The following ACSBG2 variants were observed in gnomAD, a reference collection of about 807,000 sequenced individuals.
ACSBG2 encodes acyl-CoA synthetase bubblegum family member 2.
A neutral mutation model predicts 74.7 loss-of-function variants in ACSBG2; 62 were observed. That is an observed-to-expected ratio of 0.83 (90% confidence interval 0.68 to 1.03). ACSBG2 has a LOEUF of 1.03. Ranked by LOEUF, ACSBG2 falls within the 50% of genes least tolerant of loss-of-function variation. ACSBG2 has a pLI of 0.00. For synonymous variants in ACSBG2, 309 were observed against 294.1 expected (o/e 1.05, Z -0.52); for missense variants, 730 against 817.6 (o/e 0.89, Z 1.31).
rs2090038045 is a variant in ACSBG2 at position 6,174,242 on chromosome 19, T to C, written c.739-2987T>C. 6.6e-6 allele frequency among the ~76,000 whole-genome samples: 1 copy of C among 151,858 alleles called. No individual in the cohort carries two copies. Among genetic ancestry groups the C allele is most frequent in the Non-Finnish European group, 1.5e-5 (1 of 67,974 alleles). On this transcript the variant is annotated intron_variant, in intron 7 of 14. Coordinates refer to ENST00000588485, the MANE Select transcript of ACSBG2 (RefSeq NM_030924.5). The surrounding 1 kb of genome is among the most constrained non-coding windows in gnomAD (Gnocchi z 4.2). The stretch of plus-strand genomic sequence containing the variant: ...ATGAGCCACCACGCTTGGCCATCAC[T>C]CTTGAACTTCTTAACCTGGTGGCTG...
At chr19:6,155,811 G>A (rs1212738331) in intron 4 of ACSBG2, among the ~76,000 whole-genome samples, 1 of 146,130 alleles carries the variant, frequency 6.8e-6, no homozygotes, top group East Asian at 2.0e-4. Flanking sequence ...AAAAAAAATG[G>A]TGAACAGGCA....
Position 6,188,962 on chromosome 19 carries a change from T to A in ACSBG2, c.1927+1117T>A, listed in dbSNP as rs139589780. Among the ~76,000 whole-genome samples, 164 of 152,350 alleles carry A rather than the reference T, an allele frequency of 1.1e-3. 1 individual carries two copies. The highest frequency in any genetic ancestry group is 3.8e-3 in the African/African-American group (158 of 41,590). Reference sequence around the variant, plus strand: ...ACCTTTCACAATGCTTAATATGTTATCTGTAGAGCAGTTAAGGGGAACTAT... The same window carrying A: ...ACCTTTCACAATGCTTAATATGTTAACTGTAGAGCAGTTAAGGGGAACTAT... On this transcript the variant is annotated intron_variant, in intron 13 of 14. Coordinates refer to ENST00000588485, the MANE Select transcript of ACSBG2 (RefSeq NM_030924.5).
chr19:6,160,127 A>G (rs180674146), intron 5 of ACSBG2, among the ~76,000 whole-genome samples: 116 of 152,290 alleles, frequency 7.6e-4, no homozygotes, highest in African/African-American at 2.6e-3. Context: ...GTGGTGGCTC[A>G]TGCCTGTAAT....
intron 2 of ACSBG2, among the ~76,000 whole-genome samples, chr19:6,144,999 G>A (rs1302567568): frequency 6.6e-6 from 1 of 151,862 alleles, no homozygotes; most frequent in Non-Finnish European, 1.5e-5. Context: ...GCTGTCTGTT[G>A]ATGACTATCT....
chr19:6,164,159 TG>T (rs2089721828), intron 6 of ACSBG2, among the ~76,000 whole-genome samples: 1 of 152,182 alleles, frequency 6.6e-6, no homozygotes, highest in African/African-American at 2.4e-5. Flanking sequence ...TGGACCAGCA[TG>T]GGTCTGGTGC....
rs137960724 is a variant in ACSBG2, at chr19:6,187,322, T to C, written c.1580T>C (p.Ile527Thr). ...ITAGGENVPP[I>T]PVETLVKKKI... is the part of the protein sequence containing the mutation. ...GCTGGTGGTGAAAATGTGCCCCCCA[T>C]TCCTGTTGAGACCTTGGTTAAGAAG... Residue 527 changes from isoleucine to threonine, a missense_variant, in exon 12 of 15, where the codon ATT becomes ACT. Physicochemically the swap from Ile to Thr is moderately conservative, Grantham distance 89. Coordinates refer to ENST00000588485, the MANE Select transcript of ACSBG2 (RefSeq NM_030924.5). The C allele has an allele frequency of 1.4e-5, 23 of 1,614,110 alleles. No individual in the cohort carries two copies. The African/African-American group carries it at 3.1e-4, about 22-fold the overall frequency.
intron 14 of ACSBG2, chr19:6,192,098 A>T (rs1015311009): frequency 1.4e-5 from 2 of 138,658 alleles, no homozygotes; most frequent in Admixed American, 7.5e-5. Context: ...AAAAAAAAAT[A>T]GAATATACAA....
Position 6,180,271 on chromosome 19 carries a change from TA to T in ACSBG2, c.907-2479del. Among the ~76,000 whole-genome samples, 1 of 152,308 alleles carries T rather than the reference TA, an allele frequency of 6.6e-6. No homozygotes were observed. The highest frequency in any genetic ancestry group is 6.5e-5 in the Admixed American group (1 of 15,300). On this transcript the variant is annotated intron_variant, in intron 8 of 14. Coordinates refer to ENST00000588485, the MANE Select transcript of ACSBG2 (RefSeq NM_030924.5). The surrounding 1 kb of genome is among the most constrained non-coding windows in gnomAD (Gnocchi z 4.3). ...CCAGGAGTTAGAACGTGGACATCTT[TA>T]GGGGGCCATTATTTTGCCTCCCACA...
At chr19:6,181,818 C>CCCA (rs1555696890) in intron 8 of ACSBG2, among the ~76,000 whole-genome samples, 1 of 119,438 alleles carries the variant, frequency 8.4e-6, no homozygotes, top group Admixed American at 9.0e-5. Flanking sequence ...CACCCGCCCC[C>CCCA]CCCCCCAACG....
intron 1 of ACSBG2, among the ~76,000 whole-genome samples, chr19:6,140,224 C>CAAAA (rs370796775): frequency 1.7e-5 from 2 of 115,732 alleles, no homozygotes; most frequent in African/African-American, 7.1e-5. Flanking sequence ...GACTCCGTCT[C>CAAAA]AAAAAAAAAA....
At position 6,135,779 on chromosome 19, in the gene ACSBG2, A is replaced by C. The variant is rs1217944280; in HGVS notation, c.-162A>C. The C allele has an allele frequency of 6.6e-6, 1 of 152,174 alleles. No individual in the cohort carries two copies. The highest frequency in any genetic ancestry group is 1.5e-5 in the Non-Finnish European group (1 of 68,100). The allele number at this position is 152,174 out of a possible 1,614,324, so 9.4% of individuals were successfully genotyped here. Reference sequence around the variant, plus strand: ...GACGGGGGCTGGGAAGGGGCAGCTCATGTTCAGGTTTCCAGGAGGGGCTAC... The same window carrying C: ...GACGGGGGCTGGGAAGGGGCAGCTCCTGTTCAGGTTTCCAGGAGGGGCTAC... On this transcript the variant is annotated 5_prime_UTR_variant, in exon 1 of 15. It removes an upstream start codon present in the reference 5' UTR. Transcript: ENST00000588485.
At chr19:6,158,878 A>T (rs1463121481) in intron 5 of ACSBG2, among the ~76,000 whole-genome samples, 1 of 152,204 alleles carries the variant, frequency 6.6e-6, no homozygotes, top group Non-Finnish European at 1.5e-5. Context: ...GACTTGGTTC[A>T]GGAAGGACAG....
intron 1 of ACSBG2, among the ~76,000 whole-genome samples, chr19:6,139,156 T>C (rs2088721103): frequency 6.6e-6 from 1 of 152,034 alleles, no homozygotes; most frequent in Non-Finnish European, 1.5e-5. Context: ...GGTGCTATCT[T>C]GGCTCACTAC....
At chr19:6,138,950 C>A (rs566103282) in intron 1 of ACSBG2, among the ~76,000 whole-genome samples, 2 of 152,232 alleles carry the variant, frequency 1.3e-5, no homozygotes, top group African/African-American at 4.8e-5. Flanking sequence ...ACACTCCGTG[C>A]ATGTTTTTCA....
intron 13 of ACSBG2, chr19:6,190,377 C>T: frequency 1.9e-6 from 1 of 536,414 alleles, no homozygotes. Context: ...CACCTTCCAG[C>T]TCACAGAATC....
At chr19:6,181,027 G>A (rs1350807832) in intron 8 of ACSBG2, among the ~76,000 whole-genome samples, 5 of 145,932 alleles carry the variant, frequency 3.4e-5, no homozygotes, top group East Asian at 2.0e-4. Flanking sequence ...GTGAAACTCC[G>A]TCTCCTCCGT....
chr19:6,145,818 C>G (rs1356797875), intron 2 of ACSBG2, among the ~76,000 whole-genome samples: 1 of 152,166 alleles, frequency 6.6e-6, no homozygotes, highest in Non-Finnish European at 1.5e-5. Flanking sequence ...CCCTCAACAA[C>G]CCCCTCAACA....
intron 14 of ACSBG2, chr19:6,191,549 G>C (rs973941455): frequency 6.6e-6 from 1 of 152,188 alleles, no homozygotes; most frequent in Non-Finnish European, 1.5e-5. Context: ...CTTGCTGATG[G>C]CTGTCTTCTC....
chr19:6,156,692 TA>T, intron 5 of ACSBG2, 141 bp downstream of exon 5: 1 of 835,950 alleles, frequency 1.2e-6, no homozygotes, highest in Non-Finnish European at 1.7e-6. Flanking sequence ...ATGACCTCAT[TA>T]GTATATGTGG....
Sources: allele counts gnomAD v4.1 joint callset (sites outside exome capture counted in the v4.1 genomes callset), GRCh38; gene constraint gnomAD v4.1.1; non-coding constraint Gnocchi (gnomAD v3.1); transcripts MANE v1.5; gene names NCBI Gene and HGNC (gene_info 2026-07-23, HGNC 2026-07-21).